CRYBA4: variants seen among roughly 807,000 people sequenced by gnomAD.
The protein encoded by CRYBA4 is crystallin beta A4.
In CRYBA4, 30 loss-of-function variants were observed where a neutral mutation model predicts 31.7. The ratio of observed to expected loss-of-function variants is 0.95; its 90% CI spans 0.71 to 1.28. The LOEUF is 1.28. CRYBA4 is among the 50% of genes most tolerant of loss of function. The pLI is 0.00. For missense variants in CRYBA4, 225 were observed against 260.7 expected, an observed-to-expected ratio of 0.86 and a Z score of 0.94; for synonymous variants, 102 against 102.3, an observed-to-expected ratio of 1.00 and a Z score of 0.02.
the CRYBA4 span, among the ~76,000 whole-genome samples, chr22:26,595,115 TATA>T: frequency 6.6e-6 from 1 of 152,268 alleles, no homozygotes; most frequent in Non-Finnish European, 1.5e-5. Flanking sequence ...ATTTTTTGCT[TATA>T]ATTTTATATG....
chr22:26,630,241 G>A, intron 5 of CRYBA4, 99 bp from the exon 6 acceptor site: 1 of 1,493,166 alleles, frequency 6.7e-7, no homozygotes, highest in Non-Finnish European at 9.2e-7. Context: ...AGGCCAGGAT[G>A]GCTGGAATTG....
At position 26,628,445 on chromosome 22, in the gene CRYBA4, G is replaced by A. The variant is rs779942531; in HGVS notation, c.443+15G>A. Reference sequence around the variant, plus strand: ...CACTCTGGGGCGTAAGTGTATTCAAGGCTCTACCTGGCAGGGGAGGGGCTA... The same window carrying A: ...CACTCTGGGGCGTAAGTGTATTCAAAGCTCTACCTGGCAGGGGAGGGGCTA... On this transcript the variant is annotated intron_variant, in intron 5 of 5. Transcript: ENST00000354760. 8.1e-6 allele frequency: 13 copies of A among 1,613,130 alleles called. No homozygotes were observed. The Admixed American group carries it at 2.2e-4, about 27-fold the overall frequency.
intron 3 of CRYBA4, among the ~76,000 whole-genome samples, chr22:26,624,926 A>G (rs1301242996): frequency 1.3e-5 from 2 of 152,190 alleles, no homozygotes; most frequent in Non-Finnish European, 2.9e-5. Context: ...AGAGAGGCAG[A>G]TGAGGGGCTG....
intron 4 of CRYBA4, among the ~76,000 whole-genome samples, chr22:26,627,939 C>T (rs1410474474): frequency 3.3e-5 from 5 of 152,150 alleles, no homozygotes; most frequent in Non-Finnish European, 4.4e-5. Context: ...TGAGCCACCG[C>T]GCCGGGCCTC....
chr22:26,625,207 G>A (rs1929664420), intron 3 of CRYBA4, among the ~76,000 whole-genome samples: 1 of 152,186 alleles, frequency 6.6e-6, no homozygotes, highest in Admixed American at 6.5e-5. Flanking sequence ...TGGCGCTACT[G>A]ATGTTTCGGG....
rs74847916 is a variant in CRYBA4 at position 26,623,190 on chromosome 22, G to T, written c.40-44G>T. On this transcript the variant is annotated intron_variant, in intron 2 of 5. Coordinates refer to ENST00000354760, the MANE Select transcript of CRYBA4 (RefSeq NM_001886.3). ...GAGCCCCCAACCTCTCACCCTTCAC[G>T]GGACTCTGATGCGGATCTCCACCTT... 2.0e-5 allele frequency: 31 copies of T among 1,527,918 alleles called. No individual in the cohort carries two copies. In the East Asian group the frequency reaches 6.3e-4, roughly 31 times the overall value. The allele number at this position is 1,527,918 out of a possible 1,614,324, so 94.6% of individuals were successfully genotyped here. A position where few individuals can be genotyped will look rare whatever the true frequency, so the allele number is the denominator to read the frequency against.
chr22:26,607,802 C>T, the CRYBA4 span: 2 of 1,591,352 alleles, frequency 1.3e-6, no homozygotes, highest in South Asian at 2.2e-5. Flanking sequence ...CCACCATCAT[C>T]TCCTTCTTGC....
At chr22:26,613,235 C>T in the CRYBA4 span, among the ~76,000 whole-genome samples, 11 of 152,224 alleles carry the variant, frequency 7.2e-5, no homozygotes, top group African/African-American at 2.2e-4. Flanking sequence ...GTTGGGACAA[C>T]GTTGCCATTC....
At chr22:26,627,086 C>T (rs1423385742) in intron 4 of CRYBA4, among the ~76,000 whole-genome samples, 1 of 152,096 alleles carries the variant, frequency 6.6e-6, no homozygotes, top group Non-Finnish European at 1.5e-5. Context: ...GGACCCGTGG[C>T]GGGCTGCAAC....
the CRYBA4 span, chr22:26,608,025 G>C: frequency 8.1e-6 from 13 of 1,614,156 alleles, no homozygotes; most frequent in Non-Finnish European, 1.1e-5. Flanking sequence ...GACCCAGCTG[G>C]ATACAAGAAG....
the CRYBA4 span, among the ~76,000 whole-genome samples, chr22:26,614,766 G>A: frequency 6.6e-6 from 1 of 152,148 alleles, no homozygotes; most frequent in East Asian, 1.9e-4. Flanking sequence ...CGGAGGCTAG[G>A]AGTTCGAGAC....
intron 3 of CRYBA4, 21 bp from the exon 4 acceptor site, chr22:26,625,460 C>T (rs556313322): frequency 9.9e-6 from 16 of 1,613,268 alleles, no homozygotes; most frequent in African/African-American, 4.0e-5. Flanking sequence ...ACCTCCTGCA[C>T]ACTCTACCCT....
chr22:26,607,318 G>A, the CRYBA4 span, among the ~76,000 whole-genome samples: 7 of 152,056 alleles, frequency 4.6e-5, no homozygotes, highest in South Asian at 6.2e-4. Flanking sequence ...CACCATGCCC[G>A]GCTACAATAT....
the CRYBA4 span, among the ~76,000 whole-genome samples, chr22:26,609,602 C>A: frequency 6.6e-6 from 1 of 151,820 alleles, no homozygotes; most frequent in East Asian, 1.9e-4. Flanking sequence ...ATGGTGGGTA[C>A]GTGTGTATAA....
chr22:26,601,980 G>GT, the CRYBA4 span: 50 of 1,613,828 alleles, frequency 3.1e-5, no homozygotes, highest in Non-Finnish European at 4.2e-5. Context: ...TGCCCTTGAA[G>GT]TTGGCCCCTT....
the CRYBA4 span, among the ~76,000 whole-genome samples, chr22:26,600,740 CAG>C: frequency 6.6e-6 from 1 of 152,224 alleles, no homozygotes; most frequent in African/African-American, 2.4e-5. Context: ...AGGGTCTTTC[CAG>C]GCTTCTGCCA....
At chr22:26,609,109 A>G in the CRYBA4 span, among the ~76,000 whole-genome samples, 1 of 152,166 alleles carries the variant, frequency 6.6e-6, no homozygotes, top group Non-Finnish European at 1.5e-5. Flanking sequence ...AAGAGTTCTT[A>G]GGAAAAAAGA....
At chr22:26,602,175 G>A in the CRYBA4 span, among the ~76,000 whole-genome samples, 1 of 152,140 alleles carries the variant, frequency 6.6e-6, no homozygotes, top group African/African-American at 2.4e-5. Flanking sequence ...TCTGGAAGGA[G>A]ACATAAGGAA....
chr22:26,596,092 A>G, the CRYBA4 span, among the ~76,000 whole-genome samples: 1 of 152,108 alleles, frequency 6.6e-6, no homozygotes, highest in South Asian at 2.1e-4. Flanking sequence ...CCATCAATGC[A>G]AAGAGTTTTT....
Sources: allele counts gnomAD v4.1 joint callset (sites outside exome capture counted in the v4.1 genomes callset), GRCh38; gene constraint gnomAD v4.1.1; transcripts MANE v1.5; gene names NCBI Gene and HGNC (gene_info 2026-07-23, HGNC 2026-07-21).